The following TAS2R1 variants were observed in gnomAD, a reference collection of about 807,000 sequenced individuals.
TAS2R1 encodes taste receptor type 2 member 1.
For synonymous variants in TAS2R1, 141 were observed against 134.2 expected (o/e 1.05, Z -0.35); for missense variants, 370 against 353.4 (o/e 1.05, Z -0.38).
At chr5:9,865,412 T>G in the TAS2R1 span, among the ~76,000 whole-genome samples, 1 of 152,236 alleles carries the variant, frequency 6.6e-6, no homozygotes, top group African/African-American at 2.4e-5. Flanking sequence ...ATGTTTGTAG[T>G]GATAATGTAT....
intron 2 of TAS2R1, among the ~76,000 whole-genome samples, chr5:9,649,435 T>C (rs1269363448): frequency 6.6e-6 from 1 of 152,226 alleles, no homozygotes; most frequent in Non-Finnish European, 1.5e-5. Context: ...TTTAATTGTA[T>C]GACCTCATTG....
chr5:9,730,743 G>C, the TAS2R1 span, among the ~76,000 whole-genome samples: 1 of 152,132 alleles, frequency 6.6e-6, no homozygotes, highest in South Asian at 2.1e-4. Flanking sequence ...CATTTATACT[G>C]TAGCTCCCAT....
At chr5:9,828,630 T>C in the TAS2R1 span, among the ~76,000 whole-genome samples, 1 of 152,234 alleles carries the variant, frequency 6.6e-6, no homozygotes, top group Non-Finnish European at 1.5e-5. Flanking sequence ...TGCTTTGCAT[T>C]TGCATAATTC....
At chr5:9,837,619 C>A in the TAS2R1 span, among the ~76,000 whole-genome samples, 9,040 of 152,284 alleles carry the variant, frequency 0.059, 639 homozygotes, top group East Asian at 0.23. Context: ...AACCTTCTCA[C>A]CCCAGACTTC....
intron 1 of TAS2R1, among the ~76,000 whole-genome samples, chr5:9,672,991 A>G (rs1172930493): frequency 6.6e-6 from 1 of 152,204 alleles, no homozygotes; most frequent in Admixed American, 6.5e-5. Flanking sequence ...TGTCCTTTGC[A>G]GCAACATGGA....
At chr5:9,795,135 C>T in the TAS2R1 span, among the ~76,000 whole-genome samples, 3 of 152,228 alleles carry the variant, frequency 2.0e-5, no homozygotes, top group Admixed American at 6.5e-5. Context: ...ACTGTAGTCA[C>T]CCTACAGTGG....
intron 2 of TAS2R1, among the ~76,000 whole-genome samples, chr5:9,640,335 T>C (rs1372071647): frequency 6.6e-6 from 1 of 151,852 alleles, no homozygotes; most frequent in African/African-American, 2.4e-5. Context: ...TCAAAGATCA[T>C]TGATCACAGA....
intron 1 of TAS2R1, among the ~76,000 whole-genome samples, chr5:9,704,179 A>T (rs1224061387): frequency 6.6e-6 from 1 of 152,174 alleles, no homozygotes; most frequent in Non-Finnish European, 1.5e-5. Flanking sequence ...TGAAATTCAA[A>T]TCCAGATCAT....
upstream of TAS2R1, among the ~76,000 whole-genome samples, chr5:9,716,509 A>G (rs1734815300): frequency 1.3e-5 from 2 of 151,544 alleles, no homozygotes; most frequent in African/African-American, 4.9e-5. Context: ...ATTTCAGCCA[A>G]TCCAGATTCT....
chr5:9,899,344 T>C, the TAS2R1 span, among the ~76,000 whole-genome samples: 1 of 152,052 alleles, frequency 6.6e-6, no homozygotes, highest in South Asian at 2.1e-4. Context: ...GACAGCAAAA[T>C]AGCTAAAGGT....
the TAS2R1 span, among the ~76,000 whole-genome samples, chr5:9,889,366 G>T: frequency 6.6e-6 from 1 of 152,158 alleles, no homozygotes; most frequent in South Asian, 2.1e-4. Context: ...CAAATTCTGT[G>T]GATGGATCCT....
intron 1 of TAS2R1, among the ~76,000 whole-genome samples, chr5:9,694,381 G>A (rs1297956520): frequency 6.6e-6 from 1 of 152,058 alleles, no homozygotes; most frequent in Non-Finnish European, 1.5e-5. Flanking sequence ...TTTAGCTTAG[G>A]AGCCACCAAA....
At chr5:9,728,384 TAC>T in the TAS2R1 span, among the ~76,000 whole-genome samples, 1 of 152,240 alleles carries the variant, frequency 6.6e-6, no homozygotes, top group African/African-American at 2.4e-5. Context: ...ACATTGCATT[TAC>T]ACAGTGTTTT....
At chr5:9,823,870 C>A in the TAS2R1 span, among the ~76,000 whole-genome samples, 3 of 152,126 alleles carry the variant, frequency 2.0e-5, no homozygotes, top group Non-Finnish European at 4.4e-5. Flanking sequence ...GAATTCAAAT[C>A]AAATGGTTCA....
At chr5:9,759,415 G>A in the TAS2R1 span, among the ~76,000 whole-genome samples, 1 of 152,154 alleles carries the variant, frequency 6.6e-6, no homozygotes, top group Admixed American at 6.5e-5. Flanking sequence ...AAGATCAACA[G>A]ATCAGTGCAT....
At chr5:9,852,795 G>T in the TAS2R1 span, among the ~76,000 whole-genome samples, 31 of 152,068 alleles carry the variant, frequency 2.0e-4, no homozygotes, top group Middle Eastern at 3.4e-3. Flanking sequence ...TTTTCAGCTT[G>T]GCTTGACTTG....
intron 2 of TAS2R1, among the ~76,000 whole-genome samples, chr5:9,648,394 G>C (rs1395034916): frequency 6.6e-6 from 1 of 151,832 alleles, no homozygotes; most frequent in Non-Finnish European, 1.5e-5. Flanking sequence ...GATCTGCATT[G>C]TTCCTGCATC....
the TAS2R1 span, among the ~76,000 whole-genome samples, chr5:9,846,651 T>C: frequency 6.6e-6 from 1 of 151,404 alleles, no homozygotes; most frequent in African/African-American, 2.4e-5. Flanking sequence ...TATCTGCTCA[T>C]GTCTAAACCA....
the TAS2R1 span, among the ~76,000 whole-genome samples, chr5:9,856,684 TACC>T: frequency 3.3e-5 from 5 of 152,132 alleles, no homozygotes; most frequent in Admixed American, 2.0e-4. Context: ...TTCAAAATAT[TACC>T]ACAATAAAAC....
Sources: allele counts gnomAD v4.1 joint callset (sites outside exome capture counted in the v4.1 genomes callset), GRCh38; gene constraint gnomAD v4.1.1; transcripts MANE v1.5; gene names NCBI Gene and HGNC (gene_info 2026-07-23, HGNC 2026-07-21).